Variants in TCEANC2 observed in about 807,000 individuals in gnomAD.
TCEANC2 encodes transcription elongation factor A N-terminal and central domain-containing protein 2.
In TCEANC2, 20 loss-of-function variants were observed where a neutral mutation model predicts 22.8. The ratio of observed to expected loss-of-function variants is 0.88; its 90% CI spans 0.62 to 1.28. TCEANC2 has a LOEUF of 1.28. TCEANC2 is among the 50% of genes most tolerant of loss of function. The pLI, the probability that TCEANC2 is intolerant of heterozygous loss-of-function variation, is 0.00. For missense variants in TCEANC2, 251 were observed against 249.7 expected, an observed-to-expected ratio of 1.01 and a Z score of -0.03; for synonymous variants, 84 against 95.5, an observed-to-expected ratio of 0.88 and a Z score of 0.70.
downstream of TCEANC2, among the ~76,000 whole-genome samples, chr1:54,108,864 C>T (rs531283062): frequency 9.2e-5 from 14 of 152,020 alleles, no homozygotes; most frequent in African/African-American, 2.4e-4. Context: ...CCCAGCTACT[C>T]GGGAGGCTGA....
At chr1:54,065,122 T>C (rs1657925798) in intron 2 of TCEANC2, among the ~76,000 whole-genome samples, 1 of 151,950 alleles carries the variant, frequency 6.6e-6, no homozygotes. Context: ...CAGAATAGTA[T>C]GAAAAGAGAA....
At chr1:54,067,713 A>G (rs975478890) in intron 2 of TCEANC2, among the ~76,000 whole-genome samples, 1 of 152,232 alleles carries the variant, frequency 6.6e-6, no homozygotes, top group African/African-American at 2.4e-5. Flanking sequence ...CAGCCAAGGG[A>G]GAGAGATAAG....
chr1:54,061,638 G>A (rs1300678790), intron 2 of TCEANC2, among the ~76,000 whole-genome samples: 1 of 152,040 alleles, frequency 6.6e-6, no homozygotes, highest in Non-Finnish European at 1.5e-5. Flanking sequence ...AAAAACTAAG[G>A]CACAGAGAGA....
chr1:54,078,141 ACTTTTT>A (rs1265214096), intron 3 of TCEANC2, among the ~76,000 whole-genome samples: 2 of 152,038 alleles, frequency 1.3e-5, no homozygotes, highest in East Asian at 3.8e-4. Flanking sequence ...TTTTTTTGGC[ACTTTTT>A]CTTTTTTTTG....
chr1:54,076,528 C>T (rs1658145905), intron 3 of TCEANC2, among the ~76,000 whole-genome samples: 1 of 152,086 alleles, frequency 6.6e-6, no homozygotes, highest in South Asian at 2.1e-4. Flanking sequence ...CAATTGATTC[C>T]ATGTCTTTGC....
chr1:54,067,053 C>T (rs759405504), intron 2 of TCEANC2, among the ~76,000 whole-genome samples: 6 of 152,146 alleles, frequency 3.9e-5, no homozygotes, highest in African/African-American at 1.2e-4. Flanking sequence ...AAGAGTGCCA[C>T]GATATTTTTT....
At position 54,100,458 on chromosome 1, in the gene TCEANC2, T is replaced by C. The variant is rs936985191; in HGVS notation, c.*3985T>C. 8 of 152,034 alleles carry C rather than the reference T, an allele frequency of 5.3e-5. No individual in the cohort carries two copies. The highest frequency in any genetic ancestry group is 1.7e-4 in the African/African-American group (7 of 41,366). The allele number at this position is 152,034 out of a possible 1,614,324, so 9.4% of individuals were successfully genotyped here. A position where few individuals can be genotyped will look rare whatever the true frequency, so the allele number is the denominator to read the frequency against. Reference sequence around the variant, plus strand: ...GCAGATAGACACATAACTAAATAAATAGAGTATAGCATATTGGGTGATAAC... The same window carrying C: ...GCAGATAGACACATAACTAAATAAACAGAGTATAGCATATTGGGTGATAAC... On this transcript the variant is annotated 3_prime_UTR_variant, in exon 5 of 5. Transcript: ENST00000234827.
At position 54,104,757 on chromosome 1, in the gene TCEANC2, G is replaced by A; in HGVS notation, c.*8284G>A. ...GAGTTTCGCCATGTTGGCCAGACTA[G>A]TTTTGAACTTCTGGCCTCAAGCAGT... On this transcript the variant is annotated 3_prime_UTR_variant, in exon 5 of 5. Coordinates refer to ENST00000234827, the MANE Select transcript of TCEANC2 (RefSeq NM_153035.3). 1 of 445,322 alleles carries A rather than the reference G, an allele frequency of 2.2e-6. No individual in the cohort carries two copies. Among genetic ancestry groups the A allele is most frequent in the South Asian group, 1.6e-5 (1 of 63,412 alleles). 27.6% of individuals were successfully genotyped at this position (445,322 alleles called of 1,614,324 possible).
intron 3 of TCEANC2, among the ~76,000 whole-genome samples, chr1:54,071,585 G>C (rs1658056173): frequency 6.6e-6 from 1 of 152,146 alleles, no homozygotes; most frequent in South Asian, 2.1e-4. Flanking sequence ...AATCTCAGAA[G>C]TGATATATCA....
intron 1 of TCEANC2, 179 bp from the exon 2 acceptor site, chr1:54,054,202 T>C: frequency 7.1e-7 from 1 of 1,413,114 alleles, no homozygotes; most frequent in Non-Finnish European, 9.3e-7. Context: ...GATGATTGAT[T>C]ACAGTTTCAA....
intron 3 of TCEANC2, among the ~76,000 whole-genome samples, chr1:54,075,169 A>G (rs1486929232): frequency 6.6e-6 from 1 of 152,218 alleles, no homozygotes; most frequent in Non-Finnish European, 1.5e-5. Context: ...TGGGTGCTAC[A>G]GAATAATGCA....
chr1:54,067,452 C>T (rs574286854), intron 2 of TCEANC2, among the ~76,000 whole-genome samples: 15 of 152,284 alleles, frequency 9.9e-5, no homozygotes, highest in African/African-American at 3.4e-4. Flanking sequence ...GTAACCTATA[C>T]GAGAAAAAGA....
intron 1 of TCEANC2, chr1:54,054,113 C>G: frequency 1.8e-6 from 1 of 555,566 alleles, no homozygotes; most frequent in South Asian, 5.0e-5. Flanking sequence ...CAATATTGGG[C>G]CAATTCCCCC....
chr1:54,057,337 C>T (rs1052228706), intron 2 of TCEANC2, among the ~76,000 whole-genome samples: 6 of 145,510 alleles, frequency 4.1e-5, no homozygotes, highest in Admixed American at 1.4e-4. Flanking sequence ...CATGCCACCA[C>T]ACCTGGCTAA....
At chr1:54,108,661 A>G (rs1658794503), downstream of TCEANC2, among the ~76,000 whole-genome samples, 1 of 152,190 alleles carries the variant, frequency 6.6e-6, no homozygotes, top group Non-Finnish European at 1.5e-5. Context: ...AGAAGCTAAT[A>G]CACACAACCA....
chr1:54,091,742 T>A (rs1658451250), intron 4 of TCEANC2, among the ~76,000 whole-genome samples: 1 of 152,218 alleles, frequency 6.6e-6, no homozygotes, highest in South Asian at 2.1e-4. Flanking sequence ...CTTCCAGATC[T>A]TCTTTGTTCT....
chr1:54,071,002 G>A (rs1658045454), intron 3 of TCEANC2, among the ~76,000 whole-genome samples: 1 of 152,206 alleles, frequency 6.6e-6, no homozygotes, highest in Non-Finnish European at 1.5e-5. Flanking sequence ...TCAGGCCGGG[G>A]CACATCACGT....
chr1:54,063,748 G>T (rs1657899050), intron 2 of TCEANC2, among the ~76,000 whole-genome samples: 1 of 152,156 alleles, frequency 6.6e-6, no homozygotes, highest in African/African-American at 2.4e-5. Flanking sequence ...TTGGATAAGG[G>T]ATACTCAATC....
intron 2 of TCEANC2, among the ~76,000 whole-genome samples, chr1:54,061,387 G>C (rs1657853027): frequency 6.6e-6 from 1 of 152,132 alleles, no homozygotes; most frequent in South Asian, 2.1e-4. Context: ...ATTGTGCCTG[G>C]TATGTAGTAA....
Sources: allele counts gnomAD v4.1 joint callset (sites outside exome capture counted in the v4.1 genomes callset), GRCh38; gene constraint gnomAD v4.1.1; transcripts MANE v1.5; gene names NCBI Gene and HGNC (gene_info 2026-07-23, HGNC 2026-07-21).